Variants in CCDC66 observed in about 807,000 individuals in gnomAD.
The protein encoded by CCDC66 is coiled-coil domain-containing protein 66.
In CCDC66, 133 loss-of-function variants were observed where a neutral mutation model predicts 128.3. The ratio of observed to expected loss-of-function variants is 1.04; its 90% CI spans 0.90 to 1.20. The LOEUF is 1.20. Ranked by LOEUF, CCDC66 falls within the 50% of genes most tolerant of loss-of-function variation. The probability of loss-of-function intolerance (pLI) is 0.00; values close to 1 mark genes in which losing one functional copy is unlikely to be tolerated. For synonymous variants in CCDC66, 387 were observed against 357.0 expected, an observed-to-expected ratio of 1.08 and a Z score of -0.95; for missense variants, 1,126 against 1,075.5, an observed-to-expected ratio of 1.05 and a Z score of -0.66.
chr3:56,578,673 G>A (rs1198288736), intron 7 of CCDC66, among the ~76,000 whole-genome samples: 5 of 151,780 alleles, frequency 3.3e-5, no homozygotes, highest in Non-Finnish European at 5.9e-5. Context: ...TAATCATGTG[G>A]TTTTTGTCAT....
At chr3:56,619,619 C>T (rs998530327) in intron 16 of CCDC66, 92 bp downstream of exon 16, 2 of 1,496,068 alleles carry the variant, frequency 1.3e-6, no homozygotes, top group Non-Finnish European at 1.8e-6. Context: ...AATTCCTGCA[C>T]TTAGTTCTAT....
At chr3:56,567,151 G>T in intron 6 of CCDC66, 98 bp downstream of exon 6, 2 of 804,146 alleles carry the variant, frequency 2.5e-6, no homozygotes, top group East Asian at 5.1e-5. Flanking sequence ...CAGCACTTTG[G>T]GAAGCCGAGG....
Position 56,593,512 on chromosome 3 carries a change from G to T in CCDC66, c.1090G>T (p.Ala364Ser), listed in dbSNP as rs766230962. The T allele has an allele frequency of 6.2e-7, 1 of 1,614,126 alleles. No homozygotes were observed. The highest frequency in any genetic ancestry group is 8.5e-7 in the Non-Finnish European group (1 of 1,179,994). The change falls in exon 9 of 18, where the codon GCA (alanine) becomes TCA (serine). Residue 364 changes from alanine (A) to serine (S), a missense_variant. Ala to Ser is a moderately conservative substitution (Grantham distance 99). Transcript: ENST00000394672. ...YSKGEEHDRW[A>S]MHFDSLKSYP... ...TTAGGGTGAGGAACATGACAGATGGGCAATGCACTTTGATTCATTAAAGAG... is the reference window on the plus strand; with the variant it reads ...TTAGGGTGAGGAACATGACAGATGGTCAATGCACTTTGATTCATTAAAGAG...
intron 10 of CCDC66, among the ~76,000 whole-genome samples, chr3:56,612,024 A>T (rs2074903202): frequency 6.6e-6 from 1 of 152,182 alleles, no homozygotes; most frequent in Admixed American, 6.5e-5. Context: ...TATAGCTAAA[A>T]TTCACAATGC....
At chr3:56,561,554 ATCCCC>A (rs1329562570) in intron 3 of CCDC66, among the ~76,000 whole-genome samples, 1 of 152,142 alleles carries the variant, frequency 6.6e-6, no homozygotes, top group East Asian at 1.9e-4. Context: ...GTTTGGGTTT[ATCCCC>A]ATTGCATTTG....
chr3:56,558,946 T>C, intron 2 of CCDC66, 36 bp downstream of exon 2: 1 of 1,385,612 alleles, frequency 7.2e-7, no homozygotes, highest in Non-Finnish European at 9.9e-7. Context: ...ATGTTAACTT[T>C]TAAATTCATA....
chr3:56,610,444 A>G (rs2074635846), intron 10 of CCDC66, among the ~76,000 whole-genome samples: 1 of 152,034 alleles, frequency 6.6e-6, no homozygotes, highest in African/African-American at 2.4e-5. Flanking sequence ...TAAGCTATCT[A>G]TTTCACTGAA....
chr3:56,607,372 A>G (rs1055728847), intron 10 of CCDC66, among the ~76,000 whole-genome samples: 1 of 152,078 alleles, frequency 6.6e-6, no homozygotes, highest in East Asian at 1.9e-4. Flanking sequence ...TTTGTTAGGT[A>G]TATTCCTAAG....
intron 7 of CCDC66, among the ~76,000 whole-genome samples, chr3:56,584,803 T>C (rs933805165): frequency 2.6e-5 from 4 of 151,844 alleles, no homozygotes; most frequent in African/African-American, 7.2e-5. Flanking sequence ...CTGGGCAACA[T>C]TGAGCACTGA....
At chr3:56,620,561 C>T (rs1316095196) in intron 17 of CCDC66, 1 of 152,126 alleles carries the variant, frequency 6.6e-6, no homozygotes, top group African/African-American at 2.4e-5. Context: ...GTACCAATAC[C>T]CTCTGCATTT....
chr3:56,585,712 T>A (rs2069572093), intron 7 of CCDC66, among the ~76,000 whole-genome samples: 1 of 151,844 alleles, frequency 6.6e-6, no homozygotes, highest in Admixed American at 6.6e-5. Flanking sequence ...TTATAAGGGT[T>A]TAATAAATAG....
At chr3:56,610,508 C>T (rs987956103) in intron 10 of CCDC66, among the ~76,000 whole-genome samples, 41 of 152,302 alleles carry the variant, frequency 2.7e-4, no homozygotes, top group Middle Eastern at 3.4e-3. Flanking sequence ...CATTGGGCTT[C>T]GCCTTTCTCT....
chr3:56,597,669 G>A (rs62256011), intron 10 of CCDC66, among the ~76,000 whole-genome samples: 7,492 of 151,492 alleles, frequency 0.049, 215 homozygotes, highest in East Asian at 0.09. Context: ...TTCTCAGCTA[G>A]TGTATAGAAA....
intron 10 of CCDC66, among the ~76,000 whole-genome samples, chr3:56,607,815 G>A (rs902497865): frequency 4.6e-5 from 7 of 152,224 alleles, no homozygotes; most frequent in Admixed American, 4.6e-4. Context: ...TATGTCCCTT[G>A]TATGCTGATT....
chr3:56,583,606 A>C (rs2068818725), intron 7 of CCDC66, among the ~76,000 whole-genome samples: 1 of 151,834 alleles, frequency 6.6e-6, no homozygotes. Flanking sequence ...CAGAGAGCAC[A>C]GGGTTGGGGG....
At chr3:56,578,294 T>C (rs1275721806) in intron 7 of CCDC66, among the ~76,000 whole-genome samples, 27 of 151,852 alleles carry the variant, frequency 1.8e-4, no homozygotes, top group Non-Finnish European at 4.4e-5. Flanking sequence ...CTTATCAGCT[T>C]AAGGAGATTT....
chr3:56,621,452 G>A lies in CCDC66; in HGVS notation c.2761-80G>A, dbSNP rs897615458. ...ATCCTAAGCGATATGTTTTCCAAGT[G>A]AATATAATTCTAGTTTAACACAACA... On this transcript the variant is annotated intron_variant, in intron 17 of 17. Transcript: ENST00000394672. 2.6e-5 allele frequency: 25 copies of A among 964,836 alleles called. No individual in the cohort carries two copies. The African/African-American group carries it at 4.1e-4, about 16-fold the overall frequency. The allele number at this position is 964,836 out of a possible 1,614,324, so 59.8% of individuals were successfully genotyped here.
chr3:56,566,111 G>A (rs1186943742), intron 4 of CCDC66, among the ~76,000 whole-genome samples: 1 of 151,108 alleles, frequency 6.6e-6, no homozygotes, highest in Non-Finnish European at 1.5e-5. Context: ...AGTTTCCTTT[G>A]TTTTGTTTTG....
rs2067067339 is a variant in CCDC66, at chr3:56,574,278, C to T, written c.936+2976C>T. On this transcript the variant is annotated intron_variant, in intron 7 of 17. Coordinates refer to ENST00000394672, the MANE Select transcript of CCDC66 (RefSeq NM_001141947.3). ...TTGGGAGGCTGAGGCAGGAGAATTGCTTGAACCTGGGAGGTGGAGGTTGCA... is the reference window on the plus strand; with the variant it reads ...TTGGGAGGCTGAGGCAGGAGAATTGTTTGAACCTGGGAGGTGGAGGTTGCA... 1.3e-5 allele frequency among the ~76,000 whole-genome samples: 2 copies of T among 149,654 alleles called. 1 individual carries two copies. The highest frequency in any genetic ancestry group is 1.4e-4 in the Admixed American group (2 of 14,654).
Sources: gnomAD v4.1 joint callset for allele counts (sites outside exome capture counted in the v4.1 genomes callset) on GRCh38, gnomAD v4.1.1 for gene constraint, MANE v1.5 for transcripts, NCBI Gene and HGNC (gene_info 2026-07-23, HGNC 2026-07-21) for gene names.